Variants in TMEM114 observed in about 807,000 individuals in gnomAD.
TMEM114 encodes the protein transmembrane protein 114, also known as claudin-26.
In TMEM114, 6 loss-of-function variants were observed where a neutral mutation model predicts 6.2. The observed-to-expected ratio is 0.97, with a 90% CI of 0.53 to 1.91. The LOEUF is 1.91. Among genes scored for constraint, TMEM114 ranks in the 40% most tolerant of loss-of-function variants. TMEM114 has a pLI of 0.01. For synonymous variants in TMEM114, 104 were observed against 73.0 expected (o/e 1.42, Z -2.16); for missense variants, 218 against 158.3 (o/e 1.38, Z -2.02).
intron 2 of TMEM114, among the ~76,000 whole-genome samples, chr16:8,554,123 C>T (rs1045861071): frequency 6.6e-6 from 1 of 152,120 alleles, no homozygotes; most frequent in Non-Finnish European, 1.5e-5. Flanking sequence ...AGGTGATCCA[C>T]CCGACTTGGC....
chr16:8,578,354 G>A (rs553576333), intron 2 of TMEM114, among the ~76,000 whole-genome samples: 30 of 152,206 alleles, frequency 2.0e-4, no homozygotes, highest in African/African-American at 6.0e-4. Flanking sequence ...CCTGGGAGCC[G>A]TTGGCAATCT....
chr16:8,558,059 G>C lies in TMEM114; in HGVS notation n.213-20233C>G, dbSNP rs991125564. ...ACCTGATGTCAGGAGCTCGACACCAGCTTGACCAACATGGTGAAACCCCAT... is the reference window on the plus strand; with the variant it reads ...ACCTGATGTCAGGAGCTCGACACCACCTTGACCAACATGGTGAAACCCCAT... On this transcript the variant is annotated intron_variant and non_coding_transcript_variant, in intron 2 of 2. Transcript: ENST00000623677. Among the ~76,000 whole-genome samples the C allele has an allele frequency of 3.3e-5, 5 of 152,182 alleles. No individual in the cohort carries two copies. The East Asian group carries it at 5.8e-4, about 18-fold the overall frequency.
In TMEM114 at chr16:8,547,028, C is replaced by T. The variant is rs566340278; in HGVS notation, n.213-9202G>A. The stretch of plus-strand genomic sequence containing the variant: ...ACATAAAATACTTGTATGTACAAGA[C>T]CCATTAGAATGTTTATCCAGTCTGC... On this transcript the variant is annotated intron_variant and non_coding_transcript_variant, in intron 2 of 2. Transcript: ENST00000623677. Among the ~76,000 whole-genome samples, 3 of 152,300 alleles carry T rather than the reference C, an allele frequency of 2.0e-5. No homozygotes were observed. In the East Asian group the frequency reaches 5.8e-4, roughly 29 times the overall value.
chr16:8,541,707 T>C (rs1443170608), intron 2 of TMEM114, among the ~76,000 whole-genome samples: 1 of 152,138 alleles, frequency 6.6e-6, no homozygotes, highest in Non-Finnish European at 1.5e-5. Context: ...TAATGAAAAT[T>C]TCATATTCTC....
intron 2 of TMEM114, among the ~76,000 whole-genome samples, chr16:8,552,239 C>T (rs1292779479): frequency 1.3e-5 from 2 of 151,870 alleles, no homozygotes; most frequent in East Asian, 3.9e-4. Context: ...TTAATATTAG[C>T]CAGGCATGGT....
chr16:8,533,271 A>G (rs1387589836), downstream of TMEM114, among the ~76,000 whole-genome samples: 4 of 152,238 alleles, frequency 2.6e-5, no homozygotes, highest in Non-Finnish European at 5.9e-5. Context: ...CAGACATTTG[A>G]TAGAACATCT....
chr16:8,550,675 T>G (rs1354346074), intron 2 of TMEM114, among the ~76,000 whole-genome samples: 3 of 111,648 alleles, frequency 2.7e-5, no homozygotes. Context: ...CAAAACTTCG[T>G]CAAAAAAAAC....
At chr16:8,560,071 A>G (rs1396237433) in intron 2 of TMEM114, among the ~76,000 whole-genome samples, 1 of 152,080 alleles carries the variant, frequency 6.6e-6, no homozygotes, top group Non-Finnish European at 1.5e-5. Context: ...ATCACAGCTC[A>G]CTGCAGCCTC....
downstream of TMEM114, among the ~76,000 whole-genome samples, chr16:8,567,569 C>T (rs941912419): frequency 6.6e-6 from 1 of 152,142 alleles, no homozygotes; most frequent in East Asian, 1.9e-4. Context: ...TCATAGGATG[C>T]GAGGAGCATC....
chr16:8,537,547 T>C (rs1279105062), downstream of TMEM114: 2 of 152,196 alleles, frequency 1.3e-5, no homozygotes, highest in East Asian at 3.9e-4. Flanking sequence ...TTATATATGA[T>C]AATAAATCTG....
At chr16:8,584,243 G>A (rs935152887) in intron 2 of TMEM114, among the ~76,000 whole-genome samples, 2 of 152,028 alleles carry the variant, frequency 1.3e-5, no homozygotes, top group Non-Finnish European at 2.9e-5. Flanking sequence ...TTTTTTTATT[G>A]AAGCCAGTAA....
intron 2 of TMEM114, among the ~76,000 whole-genome samples, chr16:8,562,141 T>G (rs1010140729): frequency 6.6e-6 from 1 of 150,696 alleles, no homozygotes; most frequent in African/African-American, 2.5e-5. Flanking sequence ...AGTGAATGAG[T>G]GAGTTAGTGA....
At chr16:8,538,894 CTT>C (rs1387463555) in intron 2 of TMEM114, among the ~76,000 whole-genome samples, 3 of 152,086 alleles carry the variant, frequency 2.0e-5, no homozygotes, top group Admixed American at 1.3e-4. Context: ...ATAAATTTGT[CTT>C]ATATTTAAAT....
At chr16:8,547,803 G>A (rs1317540035) in intron 2 of TMEM114, among the ~76,000 whole-genome samples, 1 of 152,128 alleles carries the variant, frequency 6.6e-6, no homozygotes, top group Non-Finnish European at 1.5e-5. Context: ...CACAGTCATG[G>A]TTATTTAATT....
the TMEM114 span, among the ~76,000 whole-genome samples, chr16:8,527,238 C>G: frequency 3.3e-5 from 5 of 152,182 alleles, no homozygotes; most frequent in South Asian, 8.3e-4. Flanking sequence ...ATAACTATTC[C>G]CTCACTGCTC....
chr16:8,569,568 A>G lies in TMEM114; in HGVS notation c.*205T>C. The G allele has an allele frequency of 1.4e-6, 2 of 1,420,470 alleles. No individual in the cohort carries two copies. Among genetic ancestry groups the G allele is most frequent in the Non-Finnish European group, 1.8e-6 (2 of 1,090,584 alleles). The allele number at this position is 1,420,470 out of a possible 1,614,324, so 88.0% of individuals were successfully genotyped here. On this transcript the variant is annotated 3_prime_UTR_variant, in exon 4 of 4. Transcript: ENST00000620492. ...ACTCCCTCGGGCTCCTCCAGGCCAC[A>G]CGGACACACACGGACATAAGCACAC...
At chr16:8,575,238 A>G (rs1901879769) in intron 2 of TMEM114, among the ~76,000 whole-genome samples, 1 of 152,234 alleles carries the variant, frequency 6.6e-6, no homozygotes. Flanking sequence ...TTGGCAAAAT[A>G]AGAGTAAAAA....
intron 2 of TMEM114, among the ~76,000 whole-genome samples, chr16:8,585,829 T>A (rs1412120073): frequency 6.6e-6 from 1 of 152,096 alleles, no homozygotes; most frequent in East Asian, 1.9e-4. Flanking sequence ...CAAAAAGAGA[T>A]GACAATTATC....
intron 2 of TMEM114, among the ~76,000 whole-genome samples, chr16:8,579,424 A>G (rs1056876592): frequency 6.6e-6 from 1 of 152,154 alleles, no homozygotes; most frequent in African/African-American, 2.4e-5. Flanking sequence ...CAGCCCTGTT[A>G]TGCCTGGTAA....
Sources: gnomAD v4.1 joint callset for allele counts (sites outside exome capture counted in the v4.1 genomes callset) on GRCh38, gnomAD v4.1.1 for gene constraint, MANE v1.5 for transcripts, NCBI Gene and HGNC (gene_info 2026-07-23, HGNC 2026-07-21) for gene names.